Variants in CROCC2 observed in about 807,000 individuals in gnomAD.
CROCC2 encodes the protein ciliary rootlet coiled-coil protein 2.
A neutral mutation model predicts 177.6 loss-of-function variants in CROCC2; 163 were observed. The observed-to-expected ratio is 0.92, with a 90% CI of 0.81 to 1.05. The LOEUF (loss-of-function observed/expected upper bound fraction) is 1.05, where lower values mean the gene tolerates loss of function less well. Ranked by LOEUF, CROCC2 falls within the 50% of genes least tolerant of loss-of-function variation. CROCC2 has a pLI of 0.00. For missense variants in CROCC2, 1,929 were observed against 1,797.8 expected, an observed-to-expected ratio of 1.07 and a Z score of -1.32; for synonymous variants, 904 against 787.3, an observed-to-expected ratio of 1.15 and a Z score of -2.48.
chr2:240,955,595 G>A (rs562753444), intron 18 of CROCC2: 70 of 447,586 alleles, frequency 1.6e-4, no homozygotes, highest in African/African-American at 1.1e-3. Context: ...CCCCAGGGAC[G>A]TGCCCAAGTG....
At chr2:240,916,380 CT>C (rs2059320255) in intron 1 of CROCC2, among the ~76,000 whole-genome samples, 2 of 118,586 alleles carry the variant, frequency 1.7e-5, no homozygotes, top group Admixed American at 8.0e-5. Flanking sequence ...CTGCGTCCCC[CT>C]GCGCCCCCCT....
Position 240,973,653 on chromosome 2 carries a change from A to G in CROCC2, c.4401+5391A>G, listed in dbSNP as rs1450081789. On this transcript the variant is annotated intron_variant, in intron 27 of 31. Transcript: ENST00000690015. The surrounding 1 kb of genome is among the most constrained non-coding windows in gnomAD (Gnocchi z 4.7). Reference sequence around the variant, plus strand: ...TTCTAAAAGTTTCCGGGGTCCACATATGCCCACAGCTAGCAGAGCAGCTTA... The same window carrying G: ...TTCTAAAAGTTTCCGGGGTCCACATGTGCCCACAGCTAGCAGAGCAGCTTA... 1.3e-5 allele frequency among the ~76,000 whole-genome samples: 2 copies of G among 152,132 alleles called. No homozygotes were observed. The highest frequency in any genetic ancestry group is 2.4e-5 in the African/African-American group (1 of 41,426).
chr2:240,922,504 G>A (rs1266796998), intron 3 of CROCC2, 35 bp from the exon 4 acceptor site: 13 of 680,830 alleles, frequency 1.9e-5, no homozygotes, highest in African/African-American at 7.2e-5. Context: ...GGGTTCAGGA[G>A]CAGCCAGACC....
intron 15 of CROCC2, among the ~76,000 whole-genome samples, chr2:240,947,440 A>C (rs2059530186): frequency 1.3e-5 from 2 of 152,128 alleles, no homozygotes; most frequent in African/African-American, 4.8e-5. Flanking sequence ...AGGTCCCTGC[A>C]CATGGCAGCC....
chr2:240,915,076 G>A (rs748370929), intron 1 of CROCC2, among the ~76,000 whole-genome samples: 5 of 152,132 alleles, frequency 3.3e-5, no homozygotes, highest in Admixed American at 6.5e-5. Flanking sequence ...TGGGCTGGCA[G>A]GTGCGCTGTG....
intron 19 of CROCC2, 115 bp from the exon 20 acceptor site, chr2:240,959,185 CG>C (rs1272662967): frequency 8.1e-7 from 1 of 1,241,344 alleles, no homozygotes; most frequent in African/African-American, 1.5e-5. Context: ...CAGCAGGACC[CG>C]GCTCCCCCTC....
chr2:240,989,396 G>T (rs1003681267), intron 29 of CROCC2, among the ~76,000 whole-genome samples: 1 of 152,144 alleles, frequency 6.6e-6, no homozygotes, highest in Non-Finnish European at 1.5e-5. Context: ...GGAACCTGGG[G>T]TGCCATGAAA....
chr2:240,946,445 C>G (rs375710434), intron 15 of CROCC2, among the ~76,000 whole-genome samples, 192 bp downstream of exon 15: 3 of 152,306 alleles, frequency 2.0e-5, no homozygotes, highest in African/African-American at 4.8e-5. Flanking sequence ...AAGAGGTCAA[C>G]CCAGTGAAAG....
At chr2:240,943,733 G>A (rs1408856838) in intron 14 of CROCC2, among the ~76,000 whole-genome samples, 2 of 152,066 alleles carry the variant, frequency 1.3e-5, no homozygotes, top group Admixed American at 6.6e-5. Context: ...GCCCACCTCG[G>A]CCTCCCTAAG....
chr2:240,959,051 C>T (rs1409888082), intron 19 of CROCC2: 10 of 467,332 alleles, frequency 2.1e-5, no homozygotes, highest in Non-Finnish European at 3.8e-5. Flanking sequence ...GAGGGGCTGC[C>T]TCCTGCTGTG....
intron 1 of CROCC2, among the ~76,000 whole-genome samples, chr2:240,909,388 C>A (rs2059273430): frequency 6.6e-6 from 1 of 152,244 alleles, no homozygotes; most frequent in South Asian, 2.1e-4. Flanking sequence ...CTACCTCCTC[C>A]ACCTGGAGCT....
In CROCC2 at chr2:240,958,634, G is replaced by A. The variant is rs1034218362; in HGVS notation, c.2944-667G>A. The A allele has an allele frequency of 3.4e-5, 33 of 980,648 alleles. 1 individual carries two copies. In the African/African-American group the frequency reaches 5.1e-4, roughly 15 times the overall value. The allele number at this position is 980,648 out of a possible 1,614,324, so 60.7% of individuals were successfully genotyped here. A position where few individuals can be genotyped will look rare whatever the true frequency, so the allele number is the denominator to read the frequency against. ...GCTTGGTCCAGTCCCCTGAACCCAGGGGTGCAGAGCCTGAGCAGGGCAGGG... is the reference window on the plus strand; with the variant it reads ...GCTTGGTCCAGTCCCCTGAACCCAGAGGTGCAGAGCCTGAGCAGGGCAGGG... On this transcript the variant is annotated intron_variant, in intron 19 of 31. Transcript: ENST00000690015. The surrounding 1 kb of genome is among the most constrained non-coding windows in gnomAD (Gnocchi z 6.7).
intron 14 of CROCC2, among the ~76,000 whole-genome samples, chr2:240,941,888 C>A (rs1010630924): frequency 6.6e-6 from 1 of 152,102 alleles, no homozygotes; most frequent in South Asian, 2.1e-4. Flanking sequence ...CCCTCATCAG[C>A]GAGATTAAAG....
Position 240,963,784 on chromosome 2 carries a change from C to T in CROCC2, c.3305+11C>T, listed in dbSNP as rs1559607581. 3.2e-6 allele frequency: 5 copies of T among 1,545,094 alleles called. No homozygotes were observed. In the Admixed American group the frequency reaches 7.9e-5, roughly 24 times the overall value. On this transcript the variant is annotated intron_variant, in intron 21 of 31. Coordinates refer to ENST00000690015, the MANE Select transcript of CROCC2 (RefSeq NM_001351305.2). ...ACAGGAGAAGGCCAGGTATGGCGGC[C>T]ACCCAGGAGCAGCTGGGGGTGCCCT...
intron 3 of CROCC2, among the ~76,000 whole-genome samples, chr2:240,921,502 T>C (rs181883472): frequency 1.3e-5 from 2 of 152,134 alleles, no homozygotes; most frequent in Non-Finnish European, 2.9e-5. Flanking sequence ...CCAGTGGGAA[T>C]AGAAGCCACA....
In CROCC2 at chr2:240,949,460, C is replaced by G; in HGVS notation, c.2483-73C>G. On this transcript the variant is annotated intron_variant, in intron 16 of 31. Coordinates refer to ENST00000690015, the MANE Select transcript of CROCC2 (RefSeq NM_001351305.2). The surrounding 1 kb of genome is among the most constrained non-coding windows in gnomAD (Gnocchi z 4.5). ...ACAGTGCTTGCCCCCAAGACTGTCA[C>G]TCCCTAGGAAGTCCCAAAGGGTTCA... is the stretch of plus-strand genomic sequence containing the variant. The G allele has an allele frequency of 6.7e-7, 1 of 1,499,344 alleles. No individual in the cohort carries two copies. Among genetic ancestry groups the G allele is most frequent in the Non-Finnish European group, 9.0e-7 (1 of 1,109,800 alleles). 92.9% of individuals were successfully genotyped at this position (1,499,344 alleles called of 1,614,324 possible).
intron 2 of CROCC2, 93 bp from the exon 3 acceptor site, chr2:240,919,890 G>GGCCCCCCCCCGGGCCCCC: frequency 1.7e-6 from 1 of 591,410 alleles, no homozygotes; most frequent in East Asian, 3.1e-5. Flanking sequence ...GAGCCTGGTG[G>GGCCCCCCCCCGGGCCCCC]CCAGCCCAGG....
At chr2:240,933,913 C>A in intron 11 of CROCC2, 61 bp downstream of exon 11, 3 of 1,491,084 alleles carry the variant, frequency 2.0e-6, no homozygotes, top group South Asian at 1.2e-5. Context: ...ACTCTGCCAC[C>A]ATCAGCCACT....
At chr2:240,910,638 C>T (rs1029510667) in intron 1 of CROCC2, among the ~76,000 whole-genome samples, 1 of 152,172 alleles carries the variant, frequency 6.6e-6, no homozygotes, top group African/African-American at 2.4e-5. Context: ...CCCGAAGTGG[C>T]ATCCCCTTTC....
Sources: gnomAD v4.1 joint callset for allele counts (sites outside exome capture counted in the v4.1 genomes callset) on GRCh38, gnomAD v4.1.1 for gene constraint, Gnocchi (gnomAD v3.1) non-coding constraint, MANE v1.5 for transcripts, NCBI Gene and HGNC (gene_info 2026-07-23, HGNC 2026-07-21) for gene names.